Variants in CAMTA1 observed in about 807,000 individuals in gnomAD.
CAMTA1 encodes the protein calmodulin binding transcription activator 1, also known as calmodulin-binding transcription activator 1.
Under a neutral mutation model 170.9 loss-of-function variants are expected in CAMTA1, and 27 were observed. That is an observed-to-expected ratio of 0.16 (90% CI 0.12 to 0.22). The LOEUF is 0.22. CAMTA1 is among the 10% of genes least tolerant of loss of function. The pLI, the probability that CAMTA1 is intolerant of heterozygous loss-of-function variation, is 1.00. For synonymous variants in CAMTA1, 833 were observed against 891.5 expected (o/e 0.93, Z 1.17); for missense variants, 1,619 against 2,217.2 (o/e 0.73, Z 5.42).
chr1:7,276,303 A>ATATATATATATATATATATTTTTTTTT, intron 5 of CAMTA1, among the ~76,000 whole-genome samples: 3 of 24,228 alleles, frequency 1.2e-4, no homozygotes, highest in East Asian at 1.5e-3. Flanking sequence ...ATATATATAT[A>ATATATATATATATATATATTTTTTTTT]TTTTTTTTTT....
intron 6 of CAMTA1, among the ~76,000 whole-genome samples, chr1:7,485,013 A>G (rs2093599191): frequency 6.6e-6 from 1 of 152,044 alleles, no homozygotes; most frequent in Non-Finnish European, 1.5e-5. Flanking sequence ...CACGCTCACC[A>G]TGGGCCATGC....
intron 3 of CAMTA1, among the ~76,000 whole-genome samples, chr1:7,043,950 T>A (rs1704927952): frequency 6.6e-6 from 1 of 152,200 alleles, no homozygotes; most frequent in African/African-American, 2.4e-5. Context: ...AGGGTGGTTC[T>A]GGATGCAGGA....
chr1:7,043,711 A>G (rs1704862766), intron 3 of CAMTA1, among the ~76,000 whole-genome samples: 1 of 152,072 alleles, frequency 6.6e-6, no homozygotes, highest in Admixed American at 6.5e-5. Context: ...GGTTGGTTCC[A>G]GGGAAGCTGT....
At chr1:7,191,556 A>G (rs1001608810) in intron 4 of CAMTA1, among the ~76,000 whole-genome samples, 4 of 152,218 alleles carry the variant, frequency 2.6e-5, no homozygotes, top group Non-Finnish European at 5.9e-5. Context: ...TTCTAAGTGC[A>G]TCATTTTGTT....
At chr1:7,436,913 C>A (rs1053212764) in intron 5 of CAMTA1, among the ~76,000 whole-genome samples, 3 of 152,146 alleles carry the variant, frequency 2.0e-5, no homozygotes, top group Middle Eastern at 3.4e-3. Context: ...TGCCGGGTAC[C>A]AAAGTGGGGC....
At chr1:7,675,469 G>A (rs1029501721) in intron 10 of CAMTA1, among the ~76,000 whole-genome samples, 3 of 152,222 alleles carry the variant, frequency 2.0e-5, no homozygotes, top group South Asian at 4.1e-4. Context: ...TAGGTTGTAG[G>A]GAGGAAGAAC....
intron 5 of CAMTA1, among the ~76,000 whole-genome samples, chr1:7,270,683 T>C (rs907491275): frequency 2.0e-5 from 3 of 152,076 alleles, no homozygotes; most frequent in African/African-American, 7.2e-5. Flanking sequence ...CGAGGAGCAC[T>C]AGAAATGGTA....
intron 2 of CAMTA1, among the ~76,000 whole-genome samples, chr1:6,824,630 CT>C (rs1646900734): frequency 6.6e-6 from 1 of 152,096 alleles, no homozygotes; most frequent in African/African-American, 2.4e-5. Flanking sequence ...GGATAAATCT[CT>C]TTTATAGTCT....
intron 6 of CAMTA1, among the ~76,000 whole-genome samples, chr1:7,602,130 T>TCCTTCCTCCCTC (rs2095451237): frequency 7.8e-6 from 1 of 128,202 alleles, no homozygotes; most frequent in East Asian, 2.2e-4. Flanking sequence ...CTTCCTTCCT[T>TCCTTCCTCCCTC]CCTTCCTTCC....
In CAMTA1 at chr1:7,007,367, C is replaced by T. The variant is rs1448415646; in HGVS notation, c.235-83937C>T. 6.6e-6 allele frequency among the ~76,000 whole-genome samples: 1 copy of T among 152,200 alleles called. No individual in the cohort carries two copies. Among genetic ancestry groups the T allele is most frequent in the Non-Finnish European group, 1.5e-5 (1 of 68,026 alleles). On this transcript the variant is annotated intron_variant, in intron 3 of 22. Coordinates refer to ENST00000303635, the MANE Select transcript of CAMTA1 (RefSeq NM_015215.4). The surrounding 1 kb of genome is among the most constrained non-coding windows in gnomAD (Gnocchi z 4.5). ...TGGGAACCCTTGCTAAGGACACAGG[C>T]AGCTGTACGCCAGAGCCTGTGGGCC...
intron 3 of CAMTA1, among the ~76,000 whole-genome samples, chr1:6,856,678 G>A (rs1437397234): frequency 1.3e-5 from 2 of 152,178 alleles, no homozygotes; most frequent in Non-Finnish European, 2.9e-5. Flanking sequence ...TACTTACACA[G>A]TGCTATAAAG....
At chr1:7,654,982 CTATACACACACCCACACA>C (rs2095875568) in intron 7 of CAMTA1, among the ~76,000 whole-genome samples, 1 of 130,088 alleles carries the variant, frequency 7.7e-6, no homozygotes. Flanking sequence ...ACACACACAC[CTATACACACACCCACACA>C]CACCTATACA....
At chr1:7,078,183 C>T (rs1400321501) in intron 3 of CAMTA1, among the ~76,000 whole-genome samples, 7 of 152,332 alleles carry the variant, frequency 4.6e-5, no homozygotes, top group East Asian at 1.9e-4. Context: ...ACACTTTCTA[C>T]GCACATAGAA....
intron 7 of CAMTA1, among the ~76,000 whole-genome samples, chr1:7,650,536 CT>C (rs1263879519): frequency 6.6e-6 from 1 of 152,194 alleles, no homozygotes; most frequent in African/African-American, 2.4e-5. Context: ...CCACCCCCGC[CT>C]TTTCCAGAGG....
intron 6 of CAMTA1, among the ~76,000 whole-genome samples, chr1:7,480,210 C>CGT (rs201200938): frequency 0.1 from 7,217 of 70,782 alleles, 249 homozygotes; most frequent in East Asian, 0.33. Flanking sequence ...TGTGTGAGTG[C>CGT]ATGTGTGTAC....
At chr1:6,949,484 A>T (rs1032952778) in intron 3 of CAMTA1, among the ~76,000 whole-genome samples, 1 of 152,150 alleles carries the variant, frequency 6.6e-6, no homozygotes, top group Non-Finnish European at 1.5e-5. Context: ...CCACTCCAAG[A>T]GCCAATATTT....
rs1699572542 is a variant in CAMTA1 at position 7,010,105 on chromosome 1, G to C, written c.235-81199G>C. 6.6e-6 allele frequency among the ~76,000 whole-genome samples: 1 copy of C among 152,196 alleles called. No homozygotes were observed. Reference sequence around the variant, plus strand: ...TGGTTGGTTTGTTTCTTCTGGATTTGGATTTGTCCCCAGGACAGACGTCCT... The same window carrying C: ...TGGTTGGTTTGTTTCTTCTGGATTTCGATTTGTCCCCAGGACAGACGTCCT... On this transcript the variant is annotated intron_variant, in intron 3 of 22. Coordinates refer to ENST00000303635, the MANE Select transcript of CAMTA1 (RefSeq NM_015215.4). This position sits in a 1 kb window ranked among gnomAD's most constrained non-coding sequence, Gnocchi z 4.4.
chr1:7,716,402 CAG>C (rs2096610135), intron 11 of CAMTA1, among the ~76,000 whole-genome samples: 1 of 152,066 alleles, frequency 6.6e-6, no homozygotes, highest in African/African-American at 2.4e-5. Flanking sequence ...AAATATTGGA[CAG>C]ATATTTTATC....
intron 3 of CAMTA1, among the ~76,000 whole-genome samples, chr1:7,049,640 A>G (rs1474050793): frequency 6.6e-6 from 1 of 152,178 alleles, no homozygotes; most frequent in Non-Finnish European, 1.5e-5. Context: ...TATTTTTACT[A>G]GAGATGAGGT....
Sources: allele counts gnomAD v4.1 joint callset (sites outside exome capture counted in the v4.1 genomes callset), GRCh38; gene constraint gnomAD v4.1.1; non-coding constraint Gnocchi (gnomAD v3.1); transcripts MANE v1.5; gene names NCBI Gene and HGNC (gene_info 2026-07-23, HGNC 2026-07-21).